The following MACROD2 variants were observed in gnomAD, a reference collection of about 807,000 sequenced individuals.
MACROD2 encodes ADP-ribose glycohydrolase MACROD2.
MACROD2 carries 36 observed loss-of-function variants against 70.4 expected under a neutral mutation model. That is an observed-to-expected ratio of 0.51 (90% CI 0.39 to 0.68). The LOEUF (loss-of-function observed/expected upper bound fraction) is 0.68, where lower values mean the gene tolerates loss of function less well. MACROD2 is among the 30% of genes least tolerant of loss of function. The pLI is 0.00. For missense variants in MACROD2, 496 were observed against 538.4 expected, an observed-to-expected ratio of 0.92 and a Z score of 0.78; for synonymous variants, 172 against 178.8, an observed-to-expected ratio of 0.96 and a Z score of 0.30.
chr20:15,086,925 T>C (rs558460481), intron 5 of MACROD2, among the ~76,000 whole-genome samples: 2 of 152,282 alleles, frequency 1.3e-5, no homozygotes, highest in Non-Finnish European at 2.9e-5. Flanking sequence ...GCAATGATGG[T>C]CCTTCCATAT....
chr20:14,945,035 T>C (rs1171647142), intron 5 of MACROD2, among the ~76,000 whole-genome samples: 1 of 152,120 alleles, frequency 6.6e-6, no homozygotes, highest in African/African-American at 2.4e-5. Context: ...TAAAGAAAAG[T>C]TTAGTATTTG....
chr20:14,896,300 A>C (rs922595135), intron 5 of MACROD2, among the ~76,000 whole-genome samples: 1 of 152,160 alleles, frequency 6.6e-6, no homozygotes, highest in Non-Finnish European at 1.5e-5. Flanking sequence ...ATCTCAAAAA[A>C]ATAAATAAAT....
intron 3 of MACROD2, among the ~76,000 whole-genome samples, chr20:14,331,981 A>G (rs920011781): frequency 1.3e-5 from 2 of 152,186 alleles, no homozygotes; most frequent in African/African-American, 4.8e-5. Flanking sequence ...GATCTTTTAG[A>G]AAAATACTGT....
intron 2 of MACROD2, among the ~76,000 whole-genome samples, chr20:14,056,115 T>C (rs1220641023): frequency 6.6e-6 from 1 of 152,134 alleles, no homozygotes; most frequent in Non-Finnish European, 1.5e-5. Flanking sequence ...TCTATAGTTA[T>C]TGGTCTTCTC....
chr20:15,746,714 G>A (rs758003600), intron 8 of MACROD2, among the ~76,000 whole-genome samples: 5 of 151,932 alleles, frequency 3.3e-5, no homozygotes, highest in South Asian at 2.1e-4. Context: ...TTCTGACATC[G>A]TTTGCTGAAT....
At chr20:16,018,451 C>G (rs1002053076) in intron 15 of MACROD2, among the ~76,000 whole-genome samples, 1 of 152,088 alleles carries the variant, frequency 6.6e-6, no homozygotes, top group Non-Finnish European at 1.5e-5. Flanking sequence ...CTCTCTCTCT[C>G]TTTTTTGCTT....
intron 8 of MACROD2, among the ~76,000 whole-genome samples, chr20:15,853,941 C>T (rs1408710266): frequency 6.6e-6 from 1 of 152,136 alleles, no homozygotes; most frequent in African/African-American, 2.4e-5. Context: ...TGTTCAAGGT[C>T]ACAGGTAAAT....
intron 5 of MACROD2, among the ~76,000 whole-genome samples, chr20:14,777,616 C>A (rs560535816): frequency 2.6e-5 from 4 of 151,944 alleles, no homozygotes; most frequent in Non-Finnish European, 4.4e-5. Context: ...TATTAGATAA[C>A]ACAAATATGG....
chr20:14,664,049 T>C (rs552135558), intron 4 of MACROD2, among the ~76,000 whole-genome samples: 1 of 152,290 alleles, frequency 6.6e-6, no homozygotes, highest in African/African-American at 2.4e-5. Context: ...GCATACAGTA[T>C]TGTCTCTTTT....
intron 5 of MACROD2, among the ~76,000 whole-genome samples, chr20:14,929,157 T>C (rs921766545): frequency 7.2e-5 from 11 of 152,212 alleles, no homozygotes; most frequent in Non-Finnish European, 1.3e-4. Context: ...ACCAACTAGG[T>C]GTCCTATAAT....
At chr20:14,980,594 G>A (rs1249004818) in intron 5 of MACROD2, among the ~76,000 whole-genome samples, 1 of 152,126 alleles carries the variant, frequency 6.6e-6, no homozygotes, top group Admixed American at 6.5e-5. Flanking sequence ...GACAACTTAT[G>A]TAATTGGCCA....
intron 4 of MACROD2, among the ~76,000 whole-genome samples, chr20:14,675,045 CAAG>C (rs1271217166): frequency 2.0e-5 from 3 of 151,986 alleles, no homozygotes; most frequent in East Asian, 3.9e-4. Flanking sequence ...CTTTGTAAGA[CAAG>C]AAGGAGACAA....
intron 5 of MACROD2, among the ~76,000 whole-genome samples, chr20:14,948,934 T>A (rs2074454470): frequency 1.3e-5 from 2 of 152,202 alleles, no homozygotes; most frequent in South Asian, 4.1e-4. Flanking sequence ...GCAAATTGTG[T>A]GTATAATCAG....
intron 4 of MACROD2, among the ~76,000 whole-genome samples, chr20:14,627,973 T>A (rs1403603989): frequency 1.3e-5 from 2 of 152,198 alleles, no homozygotes; most frequent in Non-Finnish European, 2.9e-5. Context: ...AATGCAGACA[T>A]GGGATAACTA....
At chr20:14,174,622 A>G (rs539560684) in intron 3 of MACROD2, among the ~76,000 whole-genome samples, 8 of 152,196 alleles carry the variant, frequency 5.3e-5, no homozygotes, top group Non-Finnish European at 8.8e-5. Flanking sequence ...TTCAAGTTTC[A>G]TGCCTCCCCA....
intron 4 of MACROD2, among the ~76,000 whole-genome samples, chr20:14,669,479 G>C (rs992601195): frequency 1.3e-5 from 2 of 152,042 alleles, no homozygotes; most frequent in African/African-American, 4.8e-5. Context: ...GGAGCAGATG[G>C]GGTATAAGCC....
intron 3 of MACROD2, among the ~76,000 whole-genome samples, chr20:14,487,573 C>A (rs971379703): frequency 6.6e-6 from 1 of 152,120 alleles, no homozygotes; most frequent in African/African-American, 2.4e-5. Flanking sequence ...TATGGCTTTC[C>A]CCTTCCCCTC....
At position 15,410,561 on chromosome 20, in the gene MACROD2, G is replaced by A. The variant is rs150463492; in HGVS notation, c.541-20844G>A. On this transcript the variant is annotated intron_variant, in intron 6 of 17. Transcript: ENST00000684519. The stretch of plus-strand genomic sequence containing the variant: ...AATATTGTTAGCCTCTGGTAGTGGC[G>A]ACAATACATAGAGGTGAAAATATTC... Among the ~76,000 whole-genome samples the A allele has an allele frequency of 4.0e-4, 61 of 152,208 alleles. No homozygotes were observed. The East Asian group carries it at 0.011, about 26-fold the overall frequency.
At chr20:14,898,679 G>T (rs1034094954) in intron 5 of MACROD2, among the ~76,000 whole-genome samples, 1 of 152,178 alleles carries the variant, frequency 6.6e-6, no homozygotes, top group Non-Finnish European at 1.5e-5. Context: ...ACTCTTGCCT[G>T]TGCTGGAATT....
Sources: allele counts gnomAD v4.1 joint callset (sites outside exome capture counted in the v4.1 genomes callset), GRCh38; gene constraint gnomAD v4.1.1; transcripts MANE v1.5; gene names NCBI Gene and HGNC (gene_info 2026-07-23, HGNC 2026-07-21).